AACS: variants seen among roughly 807,000 people sequenced by gnomAD.
The protein encoded by AACS is acetoacetyl-CoA synthetase, also known as acetoacetate-CoA ligase.
In AACS, 69 loss-of-function variants were observed where a neutral mutation model predicts 83.1. The ratio of observed to expected loss-of-function variants is 0.83; its 90% CI spans 0.68 to 1.01. The LOEUF is 1.01. Among genes scored for constraint, AACS ranks in the 50% least tolerant of loss-of-function variants. AACS has a pLI of 0.00. For missense variants in AACS, 866 were observed against 882.2 expected, an observed-to-expected ratio of 0.98 and a Z score of 0.23; for synonymous variants, 333 against 343.4, an observed-to-expected ratio of 0.97 and a Z score of 0.33.
At chr12:125,086,248 TG>T in intron 3 of AACS, 81 bp from the exon 4 acceptor site, 2 of 1,188,186 alleles carry the variant, frequency 1.7e-6, no homozygotes, top group Non-Finnish European at 2.5e-6. Context: ...TTGAAACAGG[TG>T]GGATTTTTCA....
chr12:125,114,936 C>G (rs1444765383), intron 9 of AACS, among the ~76,000 whole-genome samples: 2 of 152,074 alleles, frequency 1.3e-5, no homozygotes, highest in African/African-American at 4.8e-5. Context: ...AAGGGCTTCC[C>G]CGGGCGCCGG....
intron 3 of AACS, among the ~76,000 whole-genome samples, chr12:125,077,505 G>A (rs566758006): frequency 2.2e-5 from 3 of 139,404 alleles, no homozygotes; most frequent in East Asian, 2.1e-4. Flanking sequence ...GTGAGACTCT[G>A]TCTCAAAAAA....
chr12:125,093,387 G>C (rs1369191722), intron 5 of AACS, among the ~76,000 whole-genome samples: 1 of 152,232 alleles, frequency 6.6e-6, no homozygotes, highest in South Asian at 2.1e-4. Context: ...CTGGACCCCA[G>C]CCTGTCTCAC....
intron 17 of AACS, chr12:125,138,818 G>C (rs1244548327): frequency 6.6e-6 from 1 of 152,210 alleles, no homozygotes; most frequent in Non-Finnish European, 1.5e-5. Flanking sequence ...AGGCTTAGGA[G>C]AGGATTTACC....
Position 125,129,341 on chromosome 12 carries a change from C to T in AACS, c.1430C>T (p.Ala477Val), listed in dbSNP as rs757502578. 1.4e-5 allele frequency: 23 copies of T among 1,611,558 alleles called. No homozygotes were observed. Among genetic ancestry groups the T allele is most frequent in the African/African-American group, 4.0e-5 (3 of 74,766 alleles). The change falls in exon 14 of 18, where the codon GCG (alanine) becomes GTG (valine). Residue 477 changes from alanine to valine, a missense_variant. Physicochemically the swap from Ala to Val is moderately conservative, Grantham distance 64. Coordinates refer to ENST00000316519, the MANE Select transcript of AACS (RefSeq NM_023928.5). The surrounding 1 kb of genome is among the most constrained non-coding windows in gnomAD (Gnocchi z 4.3). ...AVEAWNEEGK[A>V]VWGESGELVC... ...TTTAATTCTCCCATACCAGGAAAGGCGGTCTGGGGAGAGAGCGGCGAGCTG... is the reference window on the plus strand; with the variant it reads ...TTTAATTCTCCCATACCAGGAAAGGTGGTCTGGGGAGAGAGCGGCGAGCTG...
rs933344400 is a variant in AACS, at chr12:125,125,166, G to T, written c.1309+142G>T. On this transcript the variant is annotated intron_variant, in intron 12 of 17. Coordinates refer to ENST00000316519, the MANE Select transcript of AACS (RefSeq NM_023928.5). ...GCACAGTCCCTTCTCATGATCTGAG[G>T]CAGTGATGTTCCACGAAGTCACTGT... 1.1e-5 allele frequency: 14 copies of T among 1,305,684 alleles called. No homozygotes were observed. The Admixed American group carries it at 2.5e-4, about 23-fold the overall frequency. 80.9% of individuals were successfully genotyped at this position (1,305,684 alleles called of 1,614,324 possible).
At position 125,140,597 on chromosome 12, in the gene AACS, T is replaced by G. The variant is rs1307227052; in HGVS notation, c.1882-1495T>G. On this transcript the variant is annotated intron_variant, in intron 17 of 17. Transcript: ENST00000316519. The surrounding 1 kb of genome is among the most constrained non-coding windows in gnomAD (Gnocchi z 5.1). ...AATTTTCAAGTGAATGAATTTTAAT[T>G]ACATCTCAGGTTAAAAAAAAAAAAA... The G allele has an allele frequency of 6.6e-6, 1 of 151,464 alleles. No homozygotes were observed. Among genetic ancestry groups the G allele is most frequent in the Non-Finnish European group, 1.5e-5 (1 of 67,952 alleles). The allele number at this position is 151,464 out of a possible 1,614,324, so 9.4% of individuals were successfully genotyped here.
At chr12:125,106,839 C>T (rs565683961) in intron 7 of AACS, among the ~76,000 whole-genome samples, 1 of 152,332 alleles carries the variant, frequency 6.6e-6, no homozygotes, top group East Asian at 1.9e-4. Context: ...TATGAAAACA[C>T]TTAAAATATT....
At chr12:125,099,434 A>C (rs900252800) in intron 5 of AACS, among the ~76,000 whole-genome samples, 1 of 152,186 alleles carries the variant, frequency 6.6e-6, no homozygotes, top group East Asian at 1.9e-4. Context: ...CATCCATTCT[A>C]TCTGGATTTC....
At chr12:125,096,787 C>T (rs1266561161) in intron 5 of AACS, among the ~76,000 whole-genome samples, 1 of 151,916 alleles carries the variant, frequency 6.6e-6, no homozygotes, top group Non-Finnish European at 1.5e-5. Context: ...GAAGGGCAGG[C>T]ACTTGCTCTC....
intron 4 of AACS, among the ~76,000 whole-genome samples, chr12:125,089,336 A>G (rs1460413041): frequency 6.6e-6 from 1 of 152,044 alleles, no homozygotes; most frequent in East Asian, 1.9e-4. Flanking sequence ...AGAAGGAGGG[A>G]AAAAGGGAGC....
intron 5 of AACS, chr12:125,092,353 C>T (rs1263912372): frequency 6.6e-6 from 1 of 152,418 alleles, no homozygotes; most frequent in Non-Finnish European, 1.5e-5. Flanking sequence ...GGCCGCTGGC[C>T]CTTTAAAACC....
chr12:125,118,683 A>G lies in AACS; in HGVS notation c.1039A>G (p.Thr347Ala). The G allele has an allele frequency of 6.2e-7, 1 of 1,614,120 alleles. No homozygotes were observed. Among genetic ancestry groups the G allele is most frequent in the African/African-American group, 1.3e-5 (1 of 75,056 alleles). ...MWNWMVSLLA[T>A]GAAMVLYDGS... ...GAACTGGATGGTGTCCCTTCTGGCC[A>G]CAGGAGCGGCCATGGTCTTGTACGA... Residue 347 changes from threonine (T) to alanine (A), a missense_variant, in exon 10 of 18, where the codon ACA becomes GCA. Coordinates refer to ENST00000316519, the MANE Select transcript of AACS (RefSeq NM_023928.5).
At position 125,129,256 on chromosome 12, in the gene AACS, A is replaced by T. The variant is rs1957291290; in HGVS notation, c.1424-79A>T. The T allele has an allele frequency of 6.6e-7, 1 of 1,516,490 alleles. No homozygotes were observed. Among genetic ancestry groups the T allele is most frequent in the African/African-American group, 1.4e-5 (1 of 71,530 alleles). 93.9% of individuals were successfully genotyped at this position (1,516,490 alleles called of 1,614,324 possible). On this transcript the variant is annotated intron_variant, in intron 13 of 17. Transcript: ENST00000316519. The surrounding 1 kb of genome is among the most constrained non-coding windows in gnomAD (Gnocchi z 4.3). ...TCTGGAATATTGCATAATAAGTAAT[A>T]GCTTAAGAAAGAGAGAGAGACAGCC...
intron 8 of AACS, 141 bp downstream of exon 8, chr12:125,107,409 G>C (rs948867989): frequency 2.5e-6 from 3 of 1,197,274 alleles, no homozygotes; most frequent in African/African-American, 1.5e-5. Flanking sequence ...CTCTCCAAGT[G>C]GGGTGCTGCA....
At chr12:125,087,373 A>G (rs1956363070) in intron 4 of AACS, among the ~76,000 whole-genome samples, 1 of 152,090 alleles carries the variant, frequency 6.6e-6, no homozygotes, top group African/African-American at 2.4e-5. Context: ...TTTTCCTTTC[A>G]CCTTGACTTG....
chr12:125,110,365 C>A (rs560298290), intron 8 of AACS, among the ~76,000 whole-genome samples: 15 of 152,224 alleles, frequency 9.9e-5, no homozygotes, highest in Admixed American at 3.9e-4. Context: ...GCCGTCACGC[C>A]CAGCTGAATG....
chr12:125,129,548 C>T lies in AACS; in HGVS notation c.1549+88C>T. 6.7e-7 allele frequency: 1 copy of T among 1,484,650 alleles called. No individual in the cohort carries two copies. Among genetic ancestry groups the T allele is most frequent in the Non-Finnish European group, 9.0e-7 (1 of 1,105,344 alleles). The allele number at this position is 1,484,650 out of a possible 1,614,324, so 92.0% of individuals were successfully genotyped here. A position where few individuals can be genotyped will look rare whatever the true frequency, so the allele number is the denominator to read the frequency against. On this transcript the variant is annotated intron_variant, in intron 14 of 17. Transcript: ENST00000316519. This position sits in a 1 kb window ranked among gnomAD's most constrained non-coding sequence, Gnocchi z 4.3. ...AATTCTGTACCATCGTGCCCCTCCC[C>T]TCTTCCTTCCCCCACCAGGGCTTGG... is the stretch of plus-strand genomic sequence containing the variant.
intron 5 of AACS, among the ~76,000 whole-genome samples, chr12:125,099,940 TGCTGGGATTACAGGC>T (rs1956681629): frequency 6.6e-6 from 1 of 152,216 alleles, no homozygotes; most frequent in African/African-American, 2.4e-5. Flanking sequence ...CCTCCCAAAG[TGCTGGGATTACAGGC>T]GTGAGCCACT....
Sources: gnomAD v4.1 joint callset for allele counts (sites outside exome capture counted in the v4.1 genomes callset) on GRCh38, gnomAD v4.1.1 for gene constraint, Gnocchi (gnomAD v3.1) non-coding constraint, MANE v1.5 for transcripts, NCBI Gene and HGNC (gene_info 2026-07-23, HGNC 2026-07-21) for gene names.